RNPEP: variants seen among roughly 807,000 people sequenced by gnomAD.
The protein encoded by RNPEP is arginyl aminopeptidase.
A neutral mutation model predicts 70.1 loss-of-function variants in RNPEP; 57 were observed. That is an observed-to-expected ratio of 0.81 (90% confidence interval 0.66 to 1.01). The LOEUF is 1.01. Ranked by LOEUF, RNPEP falls within the 50% of genes least tolerant of loss-of-function variation. The pLI is 0.00. For missense variants in RNPEP, 787 were observed against 852.4 expected, an observed-to-expected ratio of 0.92 and a Z score of 0.96; for synonymous variants, 335 against 357.4, an observed-to-expected ratio of 0.94 and a Z score of 0.71.
At chr1:201,990,917 T>C (rs1163166307) in intron 3 of RNPEP, among the ~76,000 whole-genome samples, 1 of 152,186 alleles carries the variant, frequency 6.6e-6, no homozygotes, top group African/African-American at 2.4e-5. Flanking sequence ...GAACTATTAA[T>C]GGGAAATGAG....
intron 1 of RNPEP, among the ~76,000 whole-genome samples, chr1:201,986,239 G>T (rs1312035144): frequency 8.5e-6 from 1 of 117,708 alleles, no homozygotes; most frequent in Non-Finnish European, 2.0e-5. Context: ...CTCCCAGCCA[G>T]TTTTTTGTTT....
At chr1:201,992,581 C>G (rs1323031431) in intron 3 of RNPEP, among the ~76,000 whole-genome samples, 1 of 152,018 alleles carries the variant, frequency 6.6e-6, no homozygotes, top group Non-Finnish European at 1.5e-5. Context: ...AGCCTCCCTT[C>G]CGGCAAGCCA....
chr1:202,000,137 C>T (rs1309383389), intron 6 of RNPEP, 122 bp downstream of exon 6: 3 of 714,670 alleles, frequency 4.2e-6, no homozygotes, highest in Non-Finnish European at 7.0e-6. Flanking sequence ...GAGGGGCACT[C>T]CAGAGCTCTT....
chr1:202,001,174 C>T, intron 6 of RNPEP: 1 of 578,592 alleles, frequency 1.7e-6, no homozygotes, highest in Non-Finnish European at 3.1e-6. Flanking sequence ...AGATAGAGAT[C>T]TTAAGAGAGA....
In RNPEP at chr1:201,982,708, G is replaced by C. The variant is rs1164900167; in HGVS notation, c.42G>C (p.Arg14=). The C allele has an allele frequency of 1.4e-6, 2 of 1,399,604 alleles. No homozygotes were observed. The highest frequency in any genetic ancestry group is 1.9e-6 in the Non-Finnish European group (2 of 1,070,806). The allele number at this position is 1,399,604 out of a possible 1,614,324, so 86.7% of individuals were successfully genotyped here. Reference sequence around the variant, plus strand: ...ATTCCCCCGGCAGCGGCGCGGCCCGGCGGCCGCTGCACTCCGCGCAGGCTG... The same window carrying C: ...ATTCCCCCGGCAGCGGCGCGGCCCGCCGGCCGCTGCACTCCGCGCAGGCTG... The part of the protein sequence containing the change: ...GEHSPGSGAA[R]RPLHSAQAVD... The change falls in exon 1 of 11, where the codon CGG becomes CGC. Residue 14 remains arginine, a synonymous_variant. Transcript: ENST00000295640.
intron 1 of RNPEP, chr1:201,983,595 T>A (rs1683019945): frequency 2.3e-6 from 3 of 1,285,728 alleles, no homozygotes; most frequent in East Asian, 5.6e-5. Context: ...CTCTTTGTTC[T>A]GTGTTGCCTT....
At position 202,005,704 on chromosome 1, in the gene RNPEP, C is replaced by T. The variant is rs1356292720; in HGVS notation, c.1941C>T (p.Pro647=). 1.2e-6 allele frequency: 2 copies of T among 1,614,230 alleles called. No individual in the cohort carries two copies. The highest frequency in any genetic ancestry group is 1.1e-5 in the South Asian group (1 of 91,082). ...VVNYVQQIVA[P]KGS ...ACTATGTCCAGCAGATCGTGGCACCCAAGGGCAGTTAGAGGCTCGTGTGCA... is the reference window on the plus strand; with the variant it reads ...ACTATGTCCAGCAGATCGTGGCACCTAAGGGCAGTTAGAGGCTCGTGTGCA... The change falls in exon 11 of 11, where the codon CCC becomes CCT. Residue 647 remains proline (P), a synonymous_variant. Transcript: ENST00000295640.
At chr1:202,005,428 T>G (rs914432684) in intron 10 of RNPEP, 130 bp from the exon 11 acceptor site, 6 of 1,021,864 alleles carry the variant, frequency 5.9e-6, no homozygotes, top group Non-Finnish European at 8.8e-6. Context: ...AAGCTCCTCA[T>G]TCCAGCTGTG....
chr1:202,001,400 A>T lies in RNPEP; in HGVS notation c.1229A>T (p.Asn410Ile). 1 of 1,613,830 alleles carries T rather than the reference A, an allele frequency of 6.2e-7. No homozygotes were observed. Among genetic ancestry groups the T allele is most frequent in the Non-Finnish European group, 8.5e-7 (1 of 1,179,784 alleles). The change falls in exon 7 of 11, where the codon AAT becomes ATT. Residue 410 changes from asparagine to isoleucine, a missense_variant. Physicochemically the swap from Asn to Ile is moderately radical, Grantham distance 149. Transcript: ENST00000295640. ...GGCGTTGACCCGGACGACACCTATA[A>T]TGAGACCCCCTACGAGAAAGGTTTC... The part of the protein sequence containing the change: ...EPGVDPDDTY[N>I]ETPYEKGFCF...
chr1:201,988,436 C>T (rs1211751332), intron 1 of RNPEP, among the ~76,000 whole-genome samples: 3 of 129,754 alleles, frequency 2.3e-5, no homozygotes, highest in African/African-American at 3.0e-5. Flanking sequence ...CCAGCCTGGG[C>T]GACAGAGCGA....
chr1:201,997,259 C>T (rs901634053), intron 4 of RNPEP, 60 bp from the exon 5 acceptor site: 24 of 1,283,788 alleles, frequency 1.9e-5, no homozygotes, highest in Middle Eastern at 1.9e-4. Context: ...GAAAGGGAGG[C>T]GAGGTAGGGT....
At chr1:201,992,304 A>T (rs547574485) in intron 3 of RNPEP, among the ~76,000 whole-genome samples, 4 of 152,158 alleles carry the variant, frequency 2.6e-5, no homozygotes, top group African/African-American at 7.2e-5. Flanking sequence ...AAGTGTTGGG[A>T]TTGCAGGCAT....
intron 4 of RNPEP, among the ~76,000 whole-genome samples, chr1:201,996,825 C>G (rs1031907319): frequency 1.3e-5 from 2 of 152,116 alleles, no homozygotes; most frequent in African/African-American, 4.8e-5. Context: ...AAAATGTGAC[C>G]TGCAGTTGCC....
intron 3 of RNPEP, among the ~76,000 whole-genome samples, chr1:201,990,302 ACT>A (rs1378426988): frequency 1.3e-5 from 2 of 151,952 alleles, no homozygotes; most frequent in African/African-American, 4.8e-5. Flanking sequence ...AGGGAAGTGG[ACT>A]CTCCTTCCTA....
At chr1:201,983,434 C>G (rs927785046) in intron 1 of RNPEP, 2 of 1,457,882 alleles carry the variant, frequency 1.4e-6, no homozygotes, top group African/African-American at 1.4e-5. Flanking sequence ...CGCACACTGC[C>G]GTTTCTAACA....
At chr1:202,001,544 C>A in intron 7 of RNPEP, 56 bp downstream of exon 7, 1 of 1,479,812 alleles carries the variant, frequency 6.8e-7, no homozygotes, top group Non-Finnish European at 9.5e-7. Context: ...TGGGCCTGAT[C>A]AAGGGTAGAG....
intron 2 of RNPEP, 124 bp downstream of exon 2, chr1:201,989,168 T>C: frequency 7.3e-7 from 1 of 1,371,420 alleles, no homozygotes; most frequent in Non-Finnish European, 1.0e-6. Context: ...GAAAAATTGC[T>C]TACTTTTAAA....
chr1:201,996,074 A>G, intron 3 of RNPEP, 73 bp from the exon 4 acceptor site: 2 of 1,224,286 alleles, frequency 1.6e-6, no homozygotes, highest in Non-Finnish European at 2.4e-6. Context: ...AATTTCCTAC[A>G]GGTGCTTTCA....
chr1:201,987,665 T>C (rs1193792754), intron 1 of RNPEP, among the ~76,000 whole-genome samples: 1 of 151,670 alleles, frequency 6.6e-6, no homozygotes, highest in Non-Finnish European at 1.5e-5. Context: ...CACGAACGCC[T>C]GACCTCAAGT....
Sources: allele counts gnomAD v4.1 joint callset (sites outside exome capture counted in the v4.1 genomes callset), GRCh38; gene constraint gnomAD v4.1.1; transcripts MANE v1.5; gene names NCBI Gene and HGNC (gene_info 2026-07-23, HGNC 2026-07-21).